Variants in MAPK9 observed in about 807,000 individuals in gnomAD.
MAPK9 encodes the protein Jun kinase.
A neutral mutation model predicts 57.1 loss-of-function variants in MAPK9; 30 were observed. The observed-to-expected ratio is 0.53, with a 90% CI of 0.39 to 0.71. The LOEUF (loss-of-function observed/expected upper bound fraction) is 0.71. MAPK9 is among the 30% of genes least tolerant of loss of function. The pLI is 0.00. For missense variants in MAPK9, 362 were observed against 521.0 expected, an observed-to-expected ratio of 0.69 and a Z score of 2.97; for synonymous variants, 155 against 177.0, an observed-to-expected ratio of 0.88 and a Z score of 0.99.
chr5:180,280,339 T>A lies in MAPK9; in HGVS notation c.122+101A>T, dbSNP rs138341304. The A allele has an allele frequency of 9.8e-4, 1,249 of 1,280,536 alleles. 10 individuals are homozygous for A. In the African/African-American group the frequency reaches 0.018, roughly 18 times the overall value. 79.3% of individuals were successfully genotyped at this position (1,280,536 alleles called of 1,614,324 possible). A position where few individuals can be genotyped will look rare whatever the true frequency, so the allele number is the denominator to read the frequency against. On this transcript the variant is annotated intron_variant, in intron 2 of 11. Coordinates refer to ENST00000452135, the MANE Select transcript of MAPK9 (RefSeq NM_002752.5). The stretch of plus-strand genomic sequence containing the variant: ...TTTAGCTCATAAACCTATAACAGAG[T>A]TTTTTTTTTAATCATCAATGTTTCT...
rs1397387867 is a variant in MAPK9 at position 180,234,226 on chromosome 5, T to A, written c.*2158A>T. 6.6e-6 allele frequency: 1 copy of A among 152,246 alleles called. No individual in the cohort carries two copies. The highest frequency in any genetic ancestry group is 1.5e-5 in the Non-Finnish European group (1 of 68,038). 9.4% of individuals were successfully genotyped at this position (152,246 alleles called of 1,614,324 possible). The stretch of plus-strand genomic sequence containing the variant: ...AAGATGAAACAGTTGAGCACATTTT[T>A]CAGTTCTTTAACCAACATCAGCATT... On this transcript the variant is annotated 3_prime_UTR_variant, in exon 12 of 12. Transcript: ENST00000452135.
chr5:180,241,589 G>A (rs908582042), intron 8 of MAPK9, among the ~76,000 whole-genome samples: 1 of 152,212 alleles, frequency 6.6e-6, no homozygotes, highest in Admixed American at 6.5e-5. Flanking sequence ...GTGAGCCGCC[G>A]CACCCAGCCA....
intron 1 of MAPK9, among the ~76,000 whole-genome samples, chr5:180,291,363 G>A (rs1283323731): frequency 6.6e-6 from 1 of 152,220 alleles, no homozygotes; most frequent in Non-Finnish European, 1.5e-5. Flanking sequence ...GCACGGGCCA[G>A]CACCCTGCCC....
rs981175334 is a variant in MAPK9 at position 180,233,667 on chromosome 5, T to C, written c.*2717A>G. 2 of 152,224 alleles carry C rather than the reference T, an allele frequency of 1.3e-5. No homozygotes were observed. Among genetic ancestry groups the C allele is most frequent in the Non-Finnish European group, 2.9e-5 (2 of 68,044 alleles). 9.4% of individuals were successfully genotyped at this position (152,224 alleles called of 1,614,324 possible). A position where few individuals can be genotyped will look rare whatever the true frequency, so the allele number is the denominator to read the frequency against. On this transcript the variant is annotated 3_prime_UTR_variant, in exon 12 of 12. Transcript: ENST00000452135. ...CATAATATATTTTATTATAAAACAT[T>C]AGCAATGTTACTTTTGAGATATGCA...
intron 4 of MAPK9, among the ~76,000 whole-genome samples, chr5:180,263,551 T>C (rs1489966203): frequency 2.0e-5 from 3 of 152,018 alleles, no homozygotes; most frequent in African/African-American, 7.2e-5. Flanking sequence ...CTTGTGGTGT[T>C]CACCCTCTTC....
chr5:180,289,883 T>G (rs913818958), intron 1 of MAPK9, among the ~76,000 whole-genome samples: 4 of 152,140 alleles, frequency 2.6e-5, no homozygotes, highest in Admixed American at 6.5e-5. Flanking sequence ...AGAGACAGGG[T>G]CTTGCTCTGT....
At chr5:180,243,732 C>T (rs1432226792) in intron 7 of MAPK9, among the ~76,000 whole-genome samples, 1 of 152,238 alleles carries the variant, frequency 6.6e-6, no homozygotes, top group Non-Finnish European at 1.5e-5. Flanking sequence ...AATTCACTAG[C>T]AAATTCTCCT....
chr5:180,283,148 C>G (rs551062564), intron 1 of MAPK9, among the ~76,000 whole-genome samples: 11 of 152,204 alleles, frequency 7.2e-5, no homozygotes, highest in Non-Finnish European at 1.0e-4. Flanking sequence ...ATAAGAGAAG[C>G]CTTCCTTCCC....
At chr5:180,274,182 T>C (rs988842701) in intron 2 of MAPK9, among the ~76,000 whole-genome samples, 8 of 152,354 alleles carry the variant, frequency 5.3e-5, no homozygotes, top group Non-Finnish European at 7.3e-5. Flanking sequence ...GATATGATAA[T>C]TTAAAAGTTT....
intron 3 of MAPK9, among the ~76,000 whole-genome samples, chr5:180,266,628 T>C (rs1310614370): frequency 1.3e-5 from 2 of 152,050 alleles, no homozygotes; most frequent in Non-Finnish European, 2.9e-5. Flanking sequence ...GATACTTTTT[T>C]TTTTTTAGGA....
At chr5:180,279,723 C>A in intron 2 of MAPK9, 2 of 384,572 alleles carry the variant, frequency 5.2e-6, no homozygotes, top group Non-Finnish European at 1.0e-5. Flanking sequence ...AAAGTTCTGC[C>A]CAGAAAAATA....
At chr5:180,282,766 T>C (rs1762418641) in intron 1 of MAPK9, among the ~76,000 whole-genome samples, 1 of 152,174 alleles carries the variant, frequency 6.6e-6, no homozygotes. Flanking sequence ...CTTGCAAGCA[T>C]GTACTGAGCA....
intron 2 of MAPK9, among the ~76,000 whole-genome samples, 177 bp from the exon 3 acceptor site, chr5:180,269,586 G>C (rs1025002876): frequency 6.6e-6 from 1 of 152,228 alleles, no homozygotes; most frequent in Non-Finnish European, 1.5e-5. Context: ...ACTACAGCAT[G>C]TACTAACTCC....
intron 10 of MAPK9, among the ~76,000 whole-genome samples, chr5:180,239,091 G>C (rs1757439566): frequency 6.6e-6 from 1 of 152,178 alleles, no homozygotes; most frequent in South Asian, 2.1e-4. Flanking sequence ...AAGGTAACCA[G>C]CACCCACATG....
chr5:180,240,684 C>T (rs1165726492), intron 9 of MAPK9, among the ~76,000 whole-genome samples: 1 of 152,232 alleles, frequency 6.6e-6, no homozygotes, highest in African/African-American at 2.4e-5. Context: ...TGTGATTTTT[C>T]AGCAAGTTGC....
intron 2 of MAPK9, among the ~76,000 whole-genome samples, chr5:180,270,266 T>C (rs1761130955): frequency 6.6e-6 from 1 of 152,218 alleles, no homozygotes; most frequent in South Asian, 2.1e-4. Context: ...GTTTATAACA[T>C]TGTTTACATT....
intron 7 of MAPK9, among the ~76,000 whole-genome samples, chr5:180,245,515 C>T (rs771289108): frequency 3.3e-5 from 5 of 152,170 alleles, no homozygotes; most frequent in Non-Finnish European, 7.3e-5. Flanking sequence ...AGGAGACCCA[C>T]AGATTCCCCG....
intron 10 of MAPK9, 42 bp from the exon 11 acceptor site, chr5:180,238,445 A>T: frequency 7.2e-7 from 1 of 1,390,278 alleles, no homozygotes; most frequent in Non-Finnish European, 1.0e-6. Context: ...TCAGTTTCTA[A>T]ACAGTTTCAC....
chr5:180,267,690 C>G (rs72823780), intron 3 of MAPK9, among the ~76,000 whole-genome samples: 9,174 of 151,834 alleles, frequency 0.06, 382 homozygotes, highest in South Asian at 0.11. Flanking sequence ...GGTGGTAAGA[C>G]CCCACCTCTA....
Sources: allele counts gnomAD v4.1 joint callset (sites outside exome capture counted in the v4.1 genomes callset), GRCh38; gene constraint gnomAD v4.1.1; transcripts MANE v1.5; gene names NCBI Gene and HGNC (gene_info 2026-07-23, HGNC 2026-07-21).